ZNF573: variants seen among roughly 807,000 people sequenced by gnomAD.
ZNF573 encodes zinc finger protein 573.
In ZNF573, 41 loss-of-function variants were observed where a neutral mutation model predicts 57.4. The ratio of observed to expected loss-of-function variants is 0.71; its 90% CI spans 0.56 to 0.93. The LOEUF (loss-of-function observed/expected upper bound fraction) is 0.93, where lower values mean the gene tolerates loss of function less well. ZNF573 is among the 40% of genes least tolerant of loss of function. ZNF573 has a pLI of 0.00. For missense variants in ZNF573, 730 were observed against 794.8 expected (o/e 0.92, Z 0.98); for synonymous variants, 249 against 261.0 (o/e 0.95, Z 0.44).
chr19:37,762,361 A>G (rs1329567217), intron 4 of ZNF573, among the ~76,000 whole-genome samples: 1 of 152,184 alleles, frequency 6.6e-6, no homozygotes, highest in Non-Finnish European at 1.5e-5. Context: ...GATAATTGGG[A>G]GAAATTTGGA....
At position 37,739,783 on chromosome 19, in the gene ZNF573, T is replaced by C. The variant is rs2045306443; in HGVS notation, c.707A>G (p.His236Arg). ...CTTCCCACCAGTGTGAATTCTCTCA[T>C]GTTGAACAATGTGTGAGGCATATAT... The part of the protein sequence containing the change: ...AFIYASHIVQ[H>R]ERIHTGGKPY... Residue 236 changes from histidine (H) to arginine (R), a missense_variant, in exon 5 of 5, where the codon CAT (histidine) becomes CGT (arginine). His to Arg is a conservative substitution (Grantham distance 29). Coordinates refer to ENST00000536220, the MANE Select transcript of ZNF573 (RefSeq NM_001172690.2). 3.1e-6 allele frequency: 5 copies of C among 1,613,892 alleles called. No individual in the cohort carries two copies. In the East Asian group the frequency reaches 1.1e-4, roughly 36 times the overall value.
chr19:37,771,429 C>G (rs2045657694), intron 3 of ZNF573, 135 bp downstream of exon 3: 1 of 1,020,730 alleles, frequency 9.8e-7, no homozygotes. Context: ...GTCAAACAGG[C>G]AGAGCTGAAA....
At position 37,739,380 on chromosome 19, in the gene ZNF573, A is replaced by G; in HGVS notation, c.1110T>C (p.Tyr370=). 10 of 1,613,984 alleles carry G rather than the reference A, an allele frequency of 6.2e-6. No individual in the cohort carries two copies. Among genetic ancestry groups the G allele is most frequent in the Non-Finnish European group, 8.5e-6 (10 of 1,179,986 alleles). ...TATTCTGATGCCGAGTAAGATTTCT[A>G]TACAAAGTAAAGGTTTTCTTACACT... ...CKECKKTFTL[Y]RNLTRHQNIH... Residue 370 remains tyrosine (Y), a synonymous_variant, in exon 5 of 5, where the codon TAT becomes TAC. Coordinates refer to ENST00000536220, the MANE Select transcript of ZNF573 (RefSeq NM_001172690.2).
chr19:37,747,657 T>C (rs979658705), intron 4 of ZNF573, among the ~76,000 whole-genome samples: 11 of 152,072 alleles, frequency 7.2e-5, no homozygotes, highest in African/African-American at 2.4e-4. Context: ...AGTGATGTCA[T>C]GTACCCCTGA....
chr19:37,766,041 A>G (rs1324642459), intron 4 of ZNF573, among the ~76,000 whole-genome samples: 1 of 149,722 alleles, frequency 6.7e-6, no homozygotes, highest in East Asian at 1.9e-4. Flanking sequence ...ACTCCATCTC[A>G]AAAAAAAAAG....
chr19:37,738,333 A>G lies in ZNF573; in HGVS notation c.*159T>C. The G allele has an allele frequency of 1.5e-6, 1 of 687,432 alleles. No individual in the cohort carries two copies. 42.6% of individuals were successfully genotyped at this position (687,432 alleles called of 1,614,324 possible). On this transcript the variant is annotated 3_prime_UTR_variant, in exon 5 of 5. Coordinates refer to ENST00000536220, the MANE Select transcript of ZNF573 (RefSeq NM_001172690.2). The stretch of plus-strand genomic sequence containing the variant: ...TTACCATTGAATAGTCAGATATTCC[A>G]TTAAAACAGGACTGACATTGAATGC...
At chr19:37,777,632 C>G (rs555767038) in intron 1 of ZNF573, among the ~76,000 whole-genome samples, 1 of 151,696 alleles carries the variant, frequency 6.6e-6, no homozygotes, top group Admixed American at 6.6e-5. Context: ...TAATGGATCT[C>G]AGGAGGCTGA....
intron 4 of ZNF573, among the ~76,000 whole-genome samples, chr19:37,757,138 G>T (rs1303307887): frequency 6.6e-6 from 1 of 151,836 alleles, no homozygotes; most frequent in Admixed American, 6.6e-5. Context: ...TACTCATCAA[G>T]GCTCCAAGTA....
intron 4 of ZNF573, among the ~76,000 whole-genome samples, chr19:37,755,973 C>T (rs2045483905): frequency 6.6e-6 from 1 of 152,132 alleles, no homozygotes; most frequent in African/African-American, 2.4e-5. Flanking sequence ...TGGGCTCAAC[C>T]CTGTGCTCTT....
At chr19:37,752,983 G>T (rs1219457543) in intron 4 of ZNF573, among the ~76,000 whole-genome samples, 1 of 152,000 alleles carries the variant, frequency 6.6e-6, no homozygotes, top group African/African-American at 2.4e-5. Context: ...GGCTGGGTGT[G>T]GTAACTCATG....
intron 4 of ZNF573, among the ~76,000 whole-genome samples, chr19:37,766,198 A>G (rs943801154): frequency 1.3e-5 from 2 of 152,228 alleles, no homozygotes; most frequent in Non-Finnish European, 2.9e-5. Flanking sequence ...CCATTTTGGA[A>G]TGTCTGATGA....
At chr19:37,754,735 T>C (rs565024328) in intron 4 of ZNF573, among the ~76,000 whole-genome samples, 15 of 151,564 alleles carry the variant, frequency 9.9e-5, no homozygotes, top group African/African-American at 3.6e-4. Flanking sequence ...AAAGGTATCT[T>C]AATCTTGATA....
intron 4 of ZNF573, among the ~76,000 whole-genome samples, chr19:37,750,146 G>A (rs1202941795): frequency 1.3e-5 from 2 of 150,854 alleles, no homozygotes; most frequent in Admixed American, 6.6e-5. Flanking sequence ...GCAGTGGCAC[G>A]ATCTCGGCTC....
rs1409817625 is a variant in ZNF573, at chr19:37,765,774, C to G, written c.295+4231G>C. 5.3e-5 allele frequency among the ~76,000 whole-genome samples: 8 copies of G among 151,990 alleles called. No homozygotes were observed. In the South Asian group the frequency reaches 1.7e-3, roughly 32 times the overall value. On this transcript the variant is annotated intron_variant, in intron 4 of 4. Coordinates refer to ENST00000536220, the MANE Select transcript of ZNF573 (RefSeq NM_001172690.2). ...ATCCTAGGGGCCAGGCACGGTGGCT[C>G]ATGTCTGTAATCCTAACATTTTGGG...
Position 37,759,683 on chromosome 19 carries a change from G to A in ZNF573, c.295+10322C>T, listed in dbSNP as rs549531174. 5.2e-3 allele frequency among the ~76,000 whole-genome samples: 789 copies of A among 152,044 alleles called. 9 individuals carry two copies. Among genetic ancestry groups the A allele is most frequent in the African/African-American group, 0.018 (731 of 41,466 alleles). On this transcript the variant is annotated intron_variant, in intron 4 of 4. Transcript: ENST00000536220. ...GCGGAGCTTGCAGTGAGCCAAGATC[G>A]CGCCACTGCACTCCAGCCTGGGCAA... is the stretch of plus-strand genomic sequence containing the variant.
intron 1 of ZNF573, among the ~76,000 whole-genome samples, chr19:37,777,144 C>T (rs2045716445): frequency 6.6e-6 from 1 of 151,898 alleles, no homozygotes; most frequent in Non-Finnish European, 1.5e-5. Flanking sequence ...GGGTATCTAC[C>T]CAGAGGAAAA....
intron 4 of ZNF573, among the ~76,000 whole-genome samples, chr19:37,751,699 T>C (rs2045436674): frequency 7.0e-6 from 1 of 142,632 alleles, no homozygotes; most frequent in Non-Finnish European, 1.5e-5. Flanking sequence ...ACCGTATATA[T>C]ACTGTATATA....
intron 1 of ZNF573, among the ~76,000 whole-genome samples, chr19:37,777,206 G>A (rs1025103130): frequency 6.6e-6 from 1 of 152,004 alleles, no homozygotes; most frequent in Non-Finnish European, 1.5e-5. Context: ...AGAGACAGGA[G>A]TCTCACCATG....
At chr19:37,748,574 T>C (rs535026384) in intron 4 of ZNF573, among the ~76,000 whole-genome samples, 1 of 151,244 alleles carries the variant, frequency 6.6e-6, no homozygotes, top group South Asian at 2.1e-4. Flanking sequence ...AAAACTGGAG[T>C]AGACACTTCA....
Sources: allele counts gnomAD v4.1 joint callset (sites outside exome capture counted in the v4.1 genomes callset), GRCh38; gene constraint gnomAD v4.1.1; transcripts MANE v1.5; gene names NCBI Gene and HGNC (gene_info 2026-07-23, HGNC 2026-07-21).